Variants in FOCAD observed in about 807,000 individuals in gnomAD.
FOCAD encodes the protein focadhesin.
FOCAD carries 198 observed loss-of-function variants against 225.6 expected under a neutral mutation model. The ratio of observed to expected loss-of-function variants is 0.88; its 90% confidence interval spans 0.78 to 0.99. FOCAD has a LOEUF of 0.99. Ranked by LOEUF, FOCAD falls within the 50% of genes least tolerant of loss-of-function variation. The probability of loss-of-function intolerance (pLI) is 0.00; values close to 1 mark genes in which losing one functional copy is unlikely to be tolerated. For synonymous variants in FOCAD, 897 were observed against 755.0 expected (o/e 1.19, Z -3.08); for missense variants, 2,713 against 2,123.6 (o/e 1.28, Z -5.46).
intron 35 of FOCAD, among the ~76,000 whole-genome samples, chr9:20,956,308 G>A (rs546214232): frequency 6.6e-6 from 1 of 152,280 alleles, no homozygotes; most frequent in East Asian, 1.9e-4. Flanking sequence ...CCAAGGTTAT[G>A]TGTGATTTTT....
intron 11 of FOCAD, among the ~76,000 whole-genome samples, chr9:20,811,422 A>G (rs10511682): frequency 0.19 from 28,653 of 152,056 alleles, 3,140 homozygotes; most frequent in Non-Finnish European, 0.24. Flanking sequence ...ACTACAGATC[A>G]GATGCTCAAG....
intron 11 of FOCAD, among the ~76,000 whole-genome samples, chr9:20,812,911 A>T (rs1823241337): frequency 6.6e-6 from 1 of 152,118 alleles, no homozygotes; most frequent in Non-Finnish European, 1.5e-5. Context: ...AAAAATTCTA[A>T]TTGTACTGTA....
chr9:20,695,797 C>A (rs1280456578), intron 1 of FOCAD, among the ~76,000 whole-genome samples: 3 of 152,204 alleles, frequency 2.0e-5, no homozygotes, highest in Non-Finnish European at 4.4e-5. Context: ...TGGATAGGAC[C>A]TGGGCAGGTG....
intron 41 of FOCAD, 55 bp from the exon 42 acceptor site, chr9:20,990,068 G>T: frequency 3.1e-6 from 5 of 1,603,592 alleles, no homozygotes; most frequent in Non-Finnish European, 4.3e-6. Context: ...GTGAACATGT[G>T]TTACTTTGAA....
chr9:20,656,331 T>C (rs948742879), upstream of FOCAD, among the ~76,000 whole-genome samples: 12 of 151,998 alleles, frequency 7.9e-5, no homozygotes, highest in African/African-American at 2.7e-4. Flanking sequence ...CTGGGTATCC[T>C]TGTTGACTTT....
At chr9:20,857,809 T>C (rs1244618391) in intron 15 of FOCAD, among the ~76,000 whole-genome samples, 1 of 145,816 alleles carries the variant, frequency 6.9e-6, no homozygotes, top group African/African-American at 2.6e-5. Context: ...CATGAAGTGA[T>C]GTTGAATTTT....
In FOCAD at chr9:20,778,758, C is replaced by A; in HGVS notation, c.984C>A (p.Ile328=). Residue 328 remains isoleucine (I), a synonymous_variant, in exon 9 of 44, where the codon ATC becomes ATA. Transcript: ENST00000338382. ...LQTPASQQKP[I]LNLALKLLSV... is the part of the protein sequence containing the mutation. ...CTCCAGCAAGTCAGCAGAAGCCAAT[C>A]TTAAATCTAGGTAAATAAAAATACA... The A allele has an allele frequency of 1.3e-6, 2 of 1,599,252 alleles. No homozygotes were observed. The highest frequency in any genetic ancestry group is 1.3e-5 in the African/African-American group (1 of 74,764).
chr9:20,976,407 C>T lies in FOCAD; in HGVS notation c.4133-13C>T, dbSNP rs1010751477. ...GCAGGTGTTTTACTATTATTTTTCA[C>T]TGTCTGTTATAGGTCCTGAATCTGT... On this transcript the variant is annotated splice_polypyrimidine_tract_variant and intron_variant, in intron 35 of 43. Coordinates refer to ENST00000338382, the MANE Select transcript of FOCAD (RefSeq NM_001375567.1). The T allele has an allele frequency of 1.2e-6, 2 of 1,609,514 alleles. No individual in the cohort carries two copies. The highest frequency in any genetic ancestry group is 2.7e-5 in the African/African-American group (2 of 74,706).
intron 1 of FOCAD, among the ~76,000 whole-genome samples, chr9:20,699,508 C>T (rs1823661756): frequency 6.6e-6 from 1 of 151,118 alleles, no homozygotes; most frequent in Non-Finnish European, 1.5e-5. Flanking sequence ...TTGGGAGGCC[C>T]AGGTGGGTGG....
chr9:20,679,993 G>C (rs945530731), upstream of FOCAD, among the ~76,000 whole-genome samples: 3 of 152,186 alleles, frequency 2.0e-5, no homozygotes, highest in African/African-American at 7.2e-5. Context: ...CAGCTGTAGA[G>C]AGCTACAAAC....
Position 20,927,595 on chromosome 9 carries a change from A to G in FOCAD, c.3078+1178A>G, listed in dbSNP as rs117255145. Among the ~76,000 whole-genome samples, 1,262 of 151,732 alleles carry G rather than the reference A, an allele frequency of 8.3e-3. 12 individuals carry two copies. The highest frequency in any genetic ancestry group is 0.014 in the Non-Finnish European group (959 of 67,914). ...GCTTGTATTCTAAGATTTGAAGCAA[A>G]ATGAGAAAACACTTTTTTGTTTTGG... is the stretch of plus-strand genomic sequence containing the variant. On this transcript the variant is annotated intron_variant, in intron 26 of 43. Coordinates refer to ENST00000338382, the MANE Select transcript of FOCAD (RefSeq NM_001375567.1).
At chr9:20,706,819 T>C (rs1269406994) in intron 1 of FOCAD, among the ~76,000 whole-genome samples, 3 of 152,216 alleles carry the variant, frequency 2.0e-5, no homozygotes, top group Admixed American at 2.0e-4. Flanking sequence ...GTTCCAGGTA[T>C]GTAGCCGTGC....
Position 20,866,917 on chromosome 9 carries a change from T to TTTAAAAAAA in FOCAD, c.2107-12_2107-11insTTAAAAAAA. 5 of 764,966 alleles carry TTTAAAAAAA rather than the reference T, an allele frequency of 6.5e-6. No individual in the cohort carries two copies. Among genetic ancestry groups the TTTAAAAAAA allele is most frequent in the Non-Finnish European group, 1.0e-5 (5 of 498,462 alleles). The allele number at this position is 764,966 out of a possible 1,614,324, so 47.4% of individuals were successfully genotyped here. ...TTTTTTTTTTTTTTTTTTTTTTTTTTACCCTATCTAGGACCCAATTGTAGC... is the reference window on the plus strand; with the variant it reads ...TTTTTTTTTTTTTTTTTTTTTTTTTTTTAAAAAAAACCCTATCTAGGACCCAATTGTAGC... On this transcript the variant is annotated splice_polypyrimidine_tract_variant and intron_variant, in intron 17 of 43. Transcript: ENST00000338382.
chr9:20,914,991 GATCA>G (rs1833753862), intron 23 of FOCAD, among the ~76,000 whole-genome samples: 2 of 152,118 alleles, frequency 1.3e-5, no homozygotes, highest in Non-Finnish European at 2.9e-5. Context: ...GAAAGAAAGG[GATCA>G]ATCAAAGATA....
intron 11 of FOCAD, among the ~76,000 whole-genome samples, chr9:20,817,993 A>G (rs553153068): frequency 1.3e-5 from 2 of 152,286 alleles, no homozygotes; most frequent in East Asian, 1.9e-4. Context: ...ACTACTTTAC[A>G]TTACCACGAG....
At chr9:20,725,358 A>G (rs572338935) in intron 4 of FOCAD, among the ~76,000 whole-genome samples, 58 of 152,352 alleles carry the variant, frequency 3.8e-4, no homozygotes, top group African/African-American at 1.3e-3. Flanking sequence ...TTGCTTTAGA[A>G]AAATGATTCT....
intron 1 of FOCAD, among the ~76,000 whole-genome samples, chr9:20,693,442 T>C (rs1037103266): frequency 6.6e-6 from 1 of 152,208 alleles, no homozygotes; most frequent in Non-Finnish European, 1.5e-5. Flanking sequence ...TCAGAAATGC[T>C]ATGTAATTTA....
intron 35 of FOCAD, among the ~76,000 whole-genome samples, chr9:20,954,459 C>T (rs1837958148): frequency 2.6e-5 from 4 of 152,186 alleles, no homozygotes; most frequent in Admixed American, 2.6e-4. Context: ...CTCTTAAGGT[C>T]AAGTAGAAGA....
At chr9:20,757,763 G>A (rs186074946) in intron 5 of FOCAD, among the ~76,000 whole-genome samples, 1 of 152,218 alleles carries the variant, frequency 6.6e-6, no homozygotes, top group East Asian at 1.9e-4. Context: ...AAGGATCAAG[G>A]GGATGGATAT....
Sources: gnomAD v4.1 joint callset for allele counts (sites outside exome capture counted in the v4.1 genomes callset) on GRCh38, gnomAD v4.1.1 for gene constraint, MANE v1.5 for transcripts, NCBI Gene and HGNC (gene_info 2026-07-23, HGNC 2026-07-21) for gene names.